CLEC17A: variants seen among roughly 807,000 people sequenced by gnomAD.
CLEC17A encodes the protein C-type lectin domain family 17, member A.
A neutral mutation model predicts 61.3 loss-of-function variants in CLEC17A; 37 were observed. The observed-to-expected ratio is 0.60, with a 90% CI of 0.46 to 0.79. The LOEUF (loss-of-function observed/expected upper bound fraction) is 0.79, where lower values mean the gene tolerates loss of function less well. Ranked by LOEUF, CLEC17A falls within the 30% of genes least tolerant of loss-of-function variation. The pLI is 0.00. For synonymous variants in CLEC17A, 168 were observed against 164.9 expected (o/e 1.02, Z -0.14); for missense variants, 418 against 464.7 (o/e 0.90, Z 0.92).
chr19:14,590,114 G>A (rs1031810077), intron 3 of CLEC17A, among the ~76,000 whole-genome samples: 41 of 145,116 alleles, frequency 2.8e-4, no homozygotes, highest in Non-Finnish European at 4.5e-4. Context: ...AAATGCTTAT[G>A]GTTGTTTTAA....
At position 14,608,066 on chromosome 19, in the gene CLEC17A, TTTA is replaced by T. The variant is rs376965342; in HGVS notation, c.1004+965_1004+967del. On this transcript the variant is annotated intron_variant, in intron 13 of 13. Coordinates refer to ENST00000417570, the MANE Select transcript of CLEC17A (RefSeq NM_001204118.2). ...TTTGTATTTTTAGTAGAGATGGGGT[TTTA>T]GTGTGTTGCCCAGGCTGGTTTTGAA... 2.6e-3 allele frequency among the ~76,000 whole-genome samples: 403 copies of T among 152,098 alleles called. 3 individuals carry two copies. Among genetic ancestry groups the T allele is most frequent in the African/African-American group, 9.2e-3 (381 of 41,484 alleles).
chr19:14,602,443 C>T (rs914261163), intron 12 of CLEC17A, among the ~76,000 whole-genome samples: 5 of 152,104 alleles, frequency 3.3e-5, no homozygotes, highest in Non-Finnish European at 7.4e-5. Flanking sequence ...CAGGTGTGTG[C>T]CACCATGCCT....
chr19:14,596,490 T>A (rs1450093475), intron 8 of CLEC17A, among the ~76,000 whole-genome samples: 1 of 152,012 alleles, frequency 6.6e-6, no homozygotes, highest in Non-Finnish European at 1.5e-5. Context: ...ATAAATTAGC[T>A]GGGCCTAGTG....
At chr19:14,591,812 C>A (rs1295133726) in intron 3 of CLEC17A, among the ~76,000 whole-genome samples, 1 of 151,126 alleles carries the variant, frequency 6.6e-6, no homozygotes, top group Non-Finnish European at 1.5e-5. Context: ...CCAGCCTCAG[C>A]CTCCCAAAGT....
intron 2 of CLEC17A, among the ~76,000 whole-genome samples, chr19:14,586,855 C>T (rs2074292255): frequency 6.6e-6 from 1 of 151,008 alleles, no homozygotes. Context: ...AGGTGGGTGG[C>T]TGTTGTCATT....
At chr19:14,587,233 A>ATGTGTGTGTGTGTGTGTGTGTGTGTG (rs3049160) in intron 2 of CLEC17A, among the ~76,000 whole-genome samples, 1 of 145,308 alleles carries the variant, frequency 6.9e-6, no homozygotes, top group African/African-American at 2.6e-5. Flanking sequence ...CCAGAGAAAG[A>ATGTGTGTGTGTGTGTGTGTGTGTGTG]TGTGTGTGTG....
intron 12 of CLEC17A, among the ~76,000 whole-genome samples, chr19:14,601,756 C>T (rs1020992656): frequency 1.3e-5 from 2 of 152,120 alleles, no homozygotes; most frequent in Non-Finnish European, 2.9e-5. Context: ...GTAGCTAGGA[C>T]AACCAGGCAC....
chr19:14,602,200 GT>G lies in CLEC17A; in HGVS notation c.894+2028del, dbSNP rs576704612. ...TTATTTATGTCATTATATTTAAAAT[GT>G]TTTTTTTTTCCCAGACAGTATATAG... On this transcript the variant is annotated intron_variant, in intron 12 of 13. Transcript: ENST00000417570. 9.3e-4 allele frequency among the ~76,000 whole-genome samples: 138 copies of G among 149,186 alleles called. 2 individuals are homozygous for G. The South Asian group carries it at 0.015, about 16-fold the overall frequency.
chr19:14,581,623 C>T (rs552832688), upstream of CLEC17A, among the ~76,000 whole-genome samples: 20 of 151,924 alleles, frequency 1.3e-4, no homozygotes, highest in African/African-American at 4.1e-4. Flanking sequence ...TGAGCCACCG[C>T]GCCTGGCCAG....
At chr19:14,607,392 A>G (rs1171749736) in intron 13 of CLEC17A, among the ~76,000 whole-genome samples, 6 of 151,304 alleles carry the variant, frequency 4.0e-5, no homozygotes, top group Admixed American at 1.3e-4. Context: ...TTTAGTAGAG[A>G]CGGGGTTTCA....
chr19:14,583,003 G>A (rs878903449), upstream of CLEC17A: 8 of 668,576 alleles, frequency 1.2e-5, no homozygotes, highest in Admixed American at 7.5e-5. Flanking sequence ...GTGTGAGCAC[G>A]TGTGAGGTCT....
In CLEC17A at chr19:14,610,772, G is replaced by T. The variant is rs2075024326; in HGVS notation, c.*576G>T. The T allele has an allele frequency of 6.6e-6, 1 of 152,558 alleles. No homozygotes were observed. The highest frequency in any genetic ancestry group is 1.5e-5 in the Non-Finnish European group (1 of 68,370). 9.5% of individuals were successfully genotyped at this position (152,558 alleles called of 1,614,324 possible). ...CTTGCCTCAATGGATCCTCCTACTT[G>T]GGCTTCCCAAATTGTGAGGATTACA... On this transcript the variant is annotated 3_prime_UTR_variant, in exon 14 of 14. Coordinates refer to ENST00000417570, the MANE Select transcript of CLEC17A (RefSeq NM_001204118.2).
intron 12 of CLEC17A, among the ~76,000 whole-genome samples, chr19:14,605,636 T>A (rs1041597222): frequency 6.6e-6 from 1 of 152,198 alleles, no homozygotes; most frequent in Non-Finnish European, 1.5e-5. Context: ...CCAGTCTAAT[T>A]TCTTTCACCA....
At position 14,600,125 on chromosome 19, in the gene CLEC17A, G is replaced by A. The variant is rs2074667990; in HGVS notation, c.837G>A (p.Arg279=). The A allele has an allele frequency of 6.2e-7, 1 of 1,613,912 alleles. No individual in the cohort carries two copies. The highest frequency in any genetic ancestry group is 1.3e-5 in the African/African-American group (1 of 74,932). Residue 279 remains arginine, a synonymous_variant, in exon 12 of 14, where the codon CGG becomes CGA. Coordinates refer to ENST00000417570, the MANE Select transcript of CLEC17A (RefSeq NM_001204118.2). ...GCACCAAGTCATGGGATGAGGCCCG[G>A]ATGTTCTGCCAGGAGAATTACTCTC... is the stretch of plus-strand genomic sequence containing the variant. ...SPSTKSWDEA[R]MFCQENYSHL...
intron 10 of CLEC17A, 112 bp downstream of exon 10, chr19:14,597,273 G>A: frequency 2.2e-6 from 2 of 921,492 alleles, no homozygotes; most frequent in Non-Finnish European, 3.4e-6. Flanking sequence ...ACTGTGCTAG[G>A]TACCAGGGGG....
At chr19:14,607,424 T>C (rs10421583) in intron 13 of CLEC17A, among the ~76,000 whole-genome samples, 98,790 of 150,892 alleles carry the variant, frequency 0.65, 32,845 homozygotes, top group Non-Finnish European at 0.72. Context: ...AGGATGGTCT[T>C]GATCTCCTGA....
rs113715293 is a variant in CLEC17A, at chr19:14,597,573, TA to T, written c.646+420del. Among the ~76,000 whole-genome samples, 205 of 152,084 alleles carry T rather than the reference TA, an allele frequency of 1.3e-3. 1 individual carries two copies. The highest frequency in any genetic ancestry group is 4.7e-3 in the African/African-American group (195 of 41,500). ...GGGCAACACAGCAAGGCTCCATCTC[TA>T]AAAAAAATTAGCCGGGTGTGGTGGT... is the stretch of plus-strand genomic sequence containing the variant. On this transcript the variant is annotated intron_variant, in intron 10 of 13. Coordinates refer to ENST00000417570, the MANE Select transcript of CLEC17A (RefSeq NM_001204118.2).
chr19:14,606,894 G>A (rs1039524109), intron 12 of CLEC17A, 99 bp from the exon 13 acceptor site: 13 of 467,482 alleles, frequency 2.8e-5, no homozygotes, highest in Non-Finnish European at 3.4e-5. Flanking sequence ...GGGAGGTGAC[G>A]TTCCCAAGCC....
chr19:14,587,887 C>G (rs1193238000), intron 3 of CLEC17A, among the ~76,000 whole-genome samples, 196 bp downstream of exon 3: 2 of 152,040 alleles, frequency 1.3e-5, no homozygotes, highest in African/African-American at 4.8e-5. Context: ...TCTTGGTGAG[C>G]AGGGTGAGAG....
Sources: allele counts gnomAD v4.1 joint callset (sites outside exome capture counted in the v4.1 genomes callset), GRCh38; gene constraint gnomAD v4.1.1; transcripts MANE v1.5; gene names NCBI Gene and HGNC (gene_info 2026-07-23, HGNC 2026-07-21).